The following LRIG2 variants were observed in gnomAD, a reference collection of about 807,000 sequenced individuals.
LRIG2 encodes leucine-rich repeats and immunoglobulin-like domains protein 2.
Under a neutral mutation model 107.8 loss-of-function variants are expected in LRIG2, and 93 were observed. The observed-to-expected ratio is 0.86, with a 90% CI of 0.73 to 1.03. LRIG2 has a LOEUF of 1.03. LRIG2 is among the 50% of genes least tolerant of loss of function. LRIG2 has a pLI of 0.00. For synonymous variants in LRIG2, 471 were observed against 470.6 expected (o/e 1.00, Z -0.01); for missense variants, 1,226 against 1,296.0 (o/e 0.95, Z 0.83).
intron 1 of LRIG2, among the ~76,000 whole-genome samples, chr1:113,085,174 A>G (rs1206237072): frequency 6.6e-6 from 1 of 152,262 alleles, no homozygotes; most frequent in Non-Finnish European, 1.5e-5. Flanking sequence ...CTGGCAGAAT[A>G]ATTGCCAGAA....
chr1:113,116,488 A>C (rs1167008011), intron 16 of LRIG2, 52 bp downstream of exon 16: 1 of 1,487,616 alleles, frequency 6.7e-7, no homozygotes, highest in Non-Finnish European at 9.1e-7. Flanking sequence ...TATTGAGTTT[A>C]CTTTTCAGTG....
intron 16 of LRIG2, among the ~76,000 whole-genome samples, chr1:113,118,012 C>T (rs1202192443): frequency 6.6e-6 from 1 of 151,710 alleles, no homozygotes; most frequent in East Asian, 1.9e-4. Flanking sequence ...CTTTGCCTCC[C>T]CGGTTCAAGC....
intron 12 of LRIG2, 133 bp downstream of exon 12, chr1:113,107,890 C>T (rs1654605321): frequency 1.3e-6 from 1 of 757,978 alleles, no homozygotes; most frequent in Non-Finnish European, 2.1e-6. Flanking sequence ...TAAAAATGAT[C>T]ACAGGCATTT....
chr1:113,112,384 T>G, intron 13 of LRIG2, 95 bp from the exon 14 acceptor site: 5 of 1,006,618 alleles, frequency 5.0e-6, no homozygotes, highest in Non-Finnish European at 7.4e-6. Flanking sequence ...CATTAGGGGG[T>G]GTCTTGCCTA....
In LRIG2 at chr1:113,126,347, TG is replaced by T; in HGVS notation, c.*2249del. On this transcript the variant is annotated 3_prime_UTR_variant, in exon 18 of 18. Transcript: ENST00000361127. ...TTCTCGCTCTGGTTCTCCATTGGTCTGGGCTCCTGCTTCTCAGTCTTCTCTG... is the reference window on the plus strand; with the variant it reads ...TTCTCGCTCTGGTTCTCCATTGGTCTGGCTCCTGCTTCTCAGTCTTCTCTG... 1 of 175,264 alleles carries T rather than the reference TG, an allele frequency of 5.7e-6. No homozygotes were observed. Among genetic ancestry groups the T allele is most frequent in the South Asian group, 1.5e-4 (1 of 6,652 alleles). The allele number at this position is 175,264 out of a possible 1,614,324, so 10.9% of individuals were successfully genotyped here. A position where few individuals can be genotyped will look rare whatever the true frequency, so the allele number is the denominator to read the frequency against.
intron 1 of LRIG2, among the ~76,000 whole-genome samples, chr1:113,080,835 A>AG (rs1398409586): frequency 1.7e-4 from 23 of 137,376 alleles, no homozygotes; most frequent in African/African-American, 6.4e-4. Context: ...GAACACTAAA[A>AG]GTTTTTTTTT....
At chr1:113,082,191 C>G (rs74987852) in intron 1 of LRIG2, among the ~76,000 whole-genome samples, 2,439 of 152,226 alleles carry the variant, frequency 0.016, 77 homozygotes, top group African/African-American at 0.055. Context: ...TCTTCTTTAT[C>G]CTGGTATATC....
At position 113,124,243 on chromosome 1, in the gene LRIG2, T is replaced by C. The variant is rs1409571699; in HGVS notation, c.*142T>C. ...CATCTGACCGCACCAAGGTGGGCCA[T>C]GCGTTGTTTGGTCTTATACCTGATG... On this transcript the variant is annotated 3_prime_UTR_variant, in exon 18 of 18. Coordinates refer to ENST00000361127, the MANE Select transcript of LRIG2 (RefSeq NM_014813.3). 2.8e-6 allele frequency: 2 copies of C among 714,796 alleles called. No individual in the cohort carries two copies. Among genetic ancestry groups the C allele is most frequent in the Admixed American group, 5.1e-5 (2 of 39,230 alleles). The allele number at this position is 714,796 out of a possible 1,614,324, so 44.3% of individuals were successfully genotyped here. A position where few individuals can be genotyped will look rare whatever the true frequency, so the allele number is the denominator to read the frequency against.
rs1655469842 is a variant in LRIG2, at chr1:113,125,929, C to T, written c.*1828C>T. 1.3e-5 allele frequency: 2 copies of T among 152,196 alleles called. No homozygotes were observed. Among genetic ancestry groups the T allele is most frequent in the Non-Finnish European group, 2.9e-5 (2 of 68,038 alleles). The allele number at this position is 152,196 out of a possible 1,614,324, so 9.4% of individuals were successfully genotyped here. A position where few individuals can be genotyped will look rare whatever the true frequency, so the allele number is the denominator to read the frequency against. On this transcript the variant is annotated 3_prime_UTR_variant, in exon 18 of 18. Coordinates refer to ENST00000361127, the MANE Select transcript of LRIG2 (RefSeq NM_014813.3). The stretch of plus-strand genomic sequence containing the variant: ...ATATTATTTCTGAGTTCTCTTTGTT[C>T]ACTTTCTAAAGTGACTGTTGTTTGG...
rs773776644 is a variant in LRIG2 at position 113,119,519 on chromosome 1, C to T, written c.2967C>T (p.Ser989=). Reference sequence around the variant, plus strand: ...AGAAACTTCCCTCCACACAGATGAGCGGTGGTAAGGGATGTATTTTTGTTG... The same window carrying T: ...AGAAACTTCCCTCCACACAGATGAGTGGTGGTAAGGGATGTATTTTTGTTG... ...SEKKLPSTQM[S]GETLQRPVWN... Residue 989 remains serine, a synonymous_variant, in exon 17 of 18, where the codon AGC becomes AGT. Coordinates refer to ENST00000361127, the MANE Select transcript of LRIG2 (RefSeq NM_014813.3). 43 of 1,613,366 alleles carry T rather than the reference C, an allele frequency of 2.7e-5. No individual in the cohort carries two copies. The highest frequency in any genetic ancestry group is 1.6e-4 in the Middle Eastern group (1 of 6,062).
chr1:113,102,801 C>G (rs905111075), intron 11 of LRIG2, among the ~76,000 whole-genome samples: 2 of 152,004 alleles, frequency 1.3e-5, no homozygotes, highest in East Asian at 1.9e-4. Flanking sequence ...AGAAAATGCT[C>G]AGCACAGAGC....
chr1:113,122,125 C>T (rs1455014705), intron 17 of LRIG2, among the ~76,000 whole-genome samples: 1 of 149,044 alleles, frequency 6.7e-6, no homozygotes, highest in Admixed American at 6.7e-5. Context: ...CTCTGTCGCC[C>T]AGGCTGGAGT....
intron 11 of LRIG2, among the ~76,000 whole-genome samples, chr1:113,106,764 C>G (rs1213057082): frequency 6.6e-6 from 1 of 152,174 alleles, no homozygotes; most frequent in African/African-American, 2.4e-5. Flanking sequence ...CTCTGCCTCC[C>G]AAAGTGCTAG....
intron 9 of LRIG2, among the ~76,000 whole-genome samples, chr1:113,099,336 C>T (rs928463986): frequency 6.7e-6 from 1 of 149,888 alleles, no homozygotes; most frequent in African/African-American, 2.4e-5. Context: ...CTCCTAGGCT[C>T]AAGTGATCTC....
chr1:113,126,449 A>C lies in LRIG2; in HGVS notation c.*2348A>C, dbSNP rs1393916488. ...GACCTAGGTGGCCTTGCAAATGTTGACTCAGATTGTGGATTTTCCACTTTC... is the reference window on the plus strand; with the variant it reads ...GACCTAGGTGGCCTTGCAAATGTTGCCTCAGATTGTGGATTTTCCACTTTC... On this transcript the variant is annotated 3_prime_UTR_variant, in exon 18 of 18. Transcript: ENST00000361127. 1.3e-5 allele frequency: 2 copies of C among 152,386 alleles called. No individual in the cohort carries two copies. The highest frequency in any genetic ancestry group is 2.9e-5 in the Non-Finnish European group (2 of 68,154). The allele number at this position is 152,386 out of a possible 1,614,324, so 9.4% of individuals were successfully genotyped here. A position where few individuals can be genotyped will look rare whatever the true frequency, so the allele number is the denominator to read the frequency against.
chr1:113,116,224 A>G lies in LRIG2; in HGVS notation c.2531-63A>G, dbSNP rs1365054751. Reference sequence around the variant, plus strand: ...TATCAAAGTGGAACACATTTGCAAAATAGTCTTCTGAGTGTTGGCTTCAAC... The same window carrying G: ...TATCAAAGTGGAACACATTTGCAAAGTAGTCTTCTGAGTGTTGGCTTCAAC... On this transcript the variant is annotated intron_variant, in intron 15 of 17. Transcript: ENST00000361127. The G allele has an allele frequency of 4.1e-6, 6 of 1,467,390 alleles. No individual in the cohort carries two copies. The African/African-American group carries it at 7.0e-5, about 17-fold the overall frequency. The allele number at this position is 1,467,390 out of a possible 1,614,324, so 90.9% of individuals were successfully genotyped here.
In LRIG2 at chr1:113,126,025, C is replaced by T. The variant is rs1275494526; in HGVS notation, c.*1924C>T. On this transcript the variant is annotated 3_prime_UTR_variant, in exon 18 of 18. Transcript: ENST00000361127. ...CAAATATTCCCCATGATGAACTCTT[C>T]CTACTATCACAATCAGGACTATGAC... is the stretch of plus-strand genomic sequence containing the variant. The T allele has an allele frequency of 6.6e-6, 1 of 152,144 alleles. No homozygotes were observed. The highest frequency in any genetic ancestry group is 1.5e-5 in the Non-Finnish European group (1 of 68,028). The allele number at this position is 152,144 out of a possible 1,614,324, so 9.4% of individuals were successfully genotyped here.
At chr1:113,117,761 A>G (rs1369592442) in intron 16 of LRIG2, among the ~76,000 whole-genome samples, 2 of 152,146 alleles carry the variant, frequency 1.3e-5, no homozygotes, top group East Asian at 1.9e-4. Context: ...GATTACAGGC[A>G]TGAGCCACCG....
At chr1:113,098,472 A>T (rs1041300033) in intron 8 of LRIG2, among the ~76,000 whole-genome samples, 46 of 152,190 alleles carry the variant, frequency 3.0e-4, no homozygotes, top group African/African-American at 1.1e-3. Flanking sequence ...TACCAAGGCC[A>T]GCTTAATTGT....
Sources: allele counts gnomAD v4.1 joint callset (sites outside exome capture counted in the v4.1 genomes callset), GRCh38; gene constraint gnomAD v4.1.1; transcripts MANE v1.5; gene names NCBI Gene and HGNC (gene_info 2026-07-23, HGNC 2026-07-21).